CDH4: variants seen among roughly 807,000 people sequenced by gnomAD.
CDH4 encodes the protein cadherin 4, also known as cadherin-4.
A neutral mutation model predicts 86.0 loss-of-function variants in CDH4; 33 were observed. That is an observed-to-expected ratio of 0.38 (90% CI 0.29 to 0.51). CDH4 has a LOEUF of 0.51. Among genes scored for constraint, CDH4 ranks in the 20% least tolerant of loss-of-function variants. CDH4 has a pLI of 0.86. For missense variants in CDH4, 1,114 were observed against 1,307.4 expected (o/e 0.85, Z 2.28); for synonymous variants, 555 against 549.4 (o/e 1.01, Z -0.14).
chr20:61,504,593 A>T (rs1389183209), intron 2 of CDH4, among the ~76,000 whole-genome samples: 2 of 152,216 alleles, frequency 1.3e-5, no homozygotes, highest in East Asian at 3.9e-4. Context: ...CTCCAGGCGC[A>T]GACACGTGTG....
intron 2 of CDH4, among the ~76,000 whole-genome samples, chr20:61,537,099 G>T (rs56853143): frequency 6.6e-6 from 1 of 152,196 alleles, no homozygotes; most frequent in Non-Finnish European, 1.5e-5. Flanking sequence ...CACTGGGGAT[G>T]CCAGGCGTCA....
At chr20:61,386,754 G>T (rs888868221) in intron 2 of CDH4, among the ~76,000 whole-genome samples, 2 of 152,266 alleles carry the variant, frequency 1.3e-5, no homozygotes, top group East Asian at 3.9e-4. Context: ...CTAGCACACC[G>T]TCAGGTAAAC....
chr20:61,924,949 G>T (rs76324953), intron 11 of CDH4, among the ~76,000 whole-genome samples: 10,803 of 152,238 alleles, frequency 0.071, 503 homozygotes, highest in Non-Finnish European at 0.1. Flanking sequence ...ATCCTGCGGG[G>T]AAGGCCCAGC....
Position 61,337,257 on chromosome 20 carries a change from G to A in CDH4, c.169+82320G>A, listed in dbSNP as rs369942937. Among the ~76,000 whole-genome samples the A allele has an allele frequency of 1.6e-3, 248 of 150,458 alleles. 1 individual carries two copies. The highest frequency in any genetic ancestry group is 4.9e-3 in the African/African-American group (199 of 40,738). ...GGCAATGGTGGTGGTGAAGATGATG[G>A]TGATGGTGATGGTGGTGATATGATA... is the stretch of plus-strand genomic sequence containing the variant. On this transcript the variant is annotated intron_variant, in intron 2 of 15. Transcript: ENST00000614565.
At chr20:61,423,954 C>T (rs911444122) in intron 2 of CDH4, among the ~76,000 whole-genome samples, 1 of 150,920 alleles carries the variant, frequency 6.6e-6, no homozygotes, top group African/African-American at 2.4e-5. Flanking sequence ...CAGGCACATG[C>T]CCACACCTAC....
chr20:61,897,429 T>C (rs1222882470), intron 8 of CDH4, among the ~76,000 whole-genome samples: 1 of 151,546 alleles, frequency 6.6e-6, no homozygotes, highest in African/African-American at 2.4e-5. Context: ...CCAGCACTGA[T>C]CAGCCACCAG....
At chr20:61,696,940 C>A (rs2087720699) in intron 2 of CDH4, among the ~76,000 whole-genome samples, 1 of 152,034 alleles carries the variant, frequency 6.6e-6, no homozygotes, top group Non-Finnish European at 1.5e-5. Context: ...AGAGTAAGGC[C>A]GCAAGAAGAC....
chr20:61,745,114 G>A (rs143362636), intron 3 of CDH4, among the ~76,000 whole-genome samples: 23 of 152,346 alleles, frequency 1.5e-4, no homozygotes, highest in African/African-American at 3.4e-4. Flanking sequence ...AAATCACCAC[G>A]CAAGGCGGCG....
chr20:61,396,083 C>A (rs1409527856), intron 2 of CDH4, among the ~76,000 whole-genome samples: 2 of 152,190 alleles, frequency 1.3e-5, no homozygotes, highest in African/African-American at 4.8e-5. Context: ...CGCTCAGGCC[C>A]ATCCGTCGTG....
intron 2 of CDH4, among the ~76,000 whole-genome samples, chr20:61,482,653 T>G (rs1010884331): frequency 2.0e-5 from 3 of 152,206 alleles, no homozygotes; most frequent in African/African-American, 7.2e-5. Flanking sequence ...TTTACTCAGC[T>G]GACTCGCCCC....
chr20:61,325,176 G>T (rs2084530121), intron 2 of CDH4, among the ~76,000 whole-genome samples: 1 of 151,604 alleles, frequency 6.6e-6, no homozygotes, highest in African/African-American at 2.4e-5. Flanking sequence ...AGAGTGGACG[G>T]CATTTTTGCA....
intron 6 of CDH4, among the ~76,000 whole-genome samples, chr20:61,858,345 G>A (rs111067185): frequency 0.25 from 37,764 of 150,142 alleles, 5,021 homozygotes; most frequent in East Asian, 0.43. Flanking sequence ...CTGTATCTGC[G>A]TATGTGTCTC....
chr20:61,527,103 G>T (rs1285223794), intron 2 of CDH4, among the ~76,000 whole-genome samples: 1 of 152,228 alleles, frequency 6.6e-6, no homozygotes, highest in Non-Finnish European at 1.5e-5. Flanking sequence ...TGAACTACGC[G>T]CACATACAGA....
chr20:61,652,456 CTATT>C (rs1568734623), intron 2 of CDH4, among the ~76,000 whole-genome samples: 1 of 152,208 alleles, frequency 6.6e-6, no homozygotes, highest in Admixed American at 6.5e-5. Context: ...TAACTGTCGT[CTATT>C]TAAGCGTCCT....
At chr20:61,763,575 C>T (rs918898056) in intron 3 of CDH4, among the ~76,000 whole-genome samples, 8 of 152,208 alleles carry the variant, frequency 5.3e-5, no homozygotes, top group South Asian at 2.1e-4. Flanking sequence ...GCATCTCTAC[C>T]ACAAGGAAAT....
At chr20:61,609,185 AATC>A (rs1461040195) in intron 2 of CDH4, among the ~76,000 whole-genome samples, 1 of 152,224 alleles carries the variant, frequency 6.6e-6, no homozygotes, top group South Asian at 2.1e-4. Context: ...TGTCTCTCTG[AATC>A]ATCGTTGTAA....
intron 2 of CDH4, among the ~76,000 whole-genome samples, chr20:61,567,424 G>T (rs536698823): frequency 6.6e-6 from 1 of 152,328 alleles, no homozygotes; most frequent in South Asian, 2.1e-4. Flanking sequence ...GCTGGTGCCT[G>T]CTCATTGTGT....
intron 2 of CDH4, among the ~76,000 whole-genome samples, chr20:61,327,125 T>C (rs1005483755): frequency 6.6e-6 from 1 of 152,166 alleles, no homozygotes; most frequent in African/African-American, 2.4e-5. Context: ...AGTGGTCTAC[T>C]GGAAGCAAAT....
chr20:61,304,426 G>A (rs1481822849), intron 2 of CDH4, among the ~76,000 whole-genome samples: 3 of 152,218 alleles, frequency 2.0e-5, no homozygotes, highest in South Asian at 2.1e-4. Flanking sequence ...AATGGTCTGC[G>A]TGGTTGGCTT....
Sources: allele counts gnomAD v4.1 joint callset (sites outside exome capture counted in the v4.1 genomes callset), GRCh38; gene constraint gnomAD v4.1.1; transcripts MANE v1.5; gene names NCBI Gene and HGNC (gene_info 2026-07-23, HGNC 2026-07-21).